The following NBPF20 variants were observed in gnomAD, a reference collection of about 807,000 sequenced individuals.
NBPF20 encodes the protein NBPF member 20, also known as NBPF family member NBPF20.
In NBPF20, 90 loss-of-function variants were observed where a neutral mutation model predicts 68.1. The ratio of observed to expected loss-of-function variants is 1.32; its 90% CI spans 1.11 to 1.58. NBPF20 has a LOEUF of 1.58. Among genes scored for constraint, NBPF20 ranks in the 40% most tolerant of loss-of-function variants. The pLI, the probability that NBPF20 is intolerant of heterozygous loss-of-function variation, is 0.00. For missense variants in NBPF20, 816 were observed against 601.2 expected, an observed-to-expected ratio of 1.36 and a Z score of -3.74; for synonymous variants, 290 against 228.1, an observed-to-expected ratio of 1.27 and a Z score of -2.45.
chr1:145,291,420 C>T, exon 138 of NBPF20: 12 of 1,608,046 alleles, frequency 7.5e-6, no homozygotes, highest in Non-Finnish European at 9.3e-6. Context: ...CCCACTGACC[C>T]ATCCTATGTC....
chr1:145,413,252 A>G, the NBPF20 span, among the ~76,000 whole-genome samples: 1 of 151,222 alleles, frequency 6.6e-6, no homozygotes, highest in East Asian at 1.9e-4. Flanking sequence ...TTGGGAAAAA[A>G]TGTCTGGCAT....
At chr1:145,394,625 G>T (rs1279857764) in intron 8 of NBPF20, among the ~76,000 whole-genome samples, 1 of 152,032 alleles carries the variant, frequency 6.6e-6, no homozygotes, top group Non-Finnish European at 1.5e-5. Context: ...AAGGAATTTT[G>T]TAGCTGGCAA....
rs782021477 is a variant in NBPF20 at position 145,291,802 on chromosome 1, A to G, written c.16698-33T>C. The G allele has an allele frequency of 3.7e-6, 6 of 1,612,008 alleles. No individual in the cohort carries two copies. In the South Asian group the frequency reaches 6.6e-5, roughly 18 times the overall value. On this transcript the variant is annotated intron_variant, in intron 137 of 137. Transcript: ENST00000369373. ...AGGAGACAAAACTAAAGAAGCAGCC[A>G]GGGAAAATCAGAAACCACAGAGCCC...
At chr1:145,341,109 A>T (rs1661608843) in intron 75 of NBPF20, among the ~76,000 whole-genome samples, 170 bp from the exon 81 acceptor site, 1 of 83,938 alleles carries the variant, frequency 1.2e-5, no homozygotes, top group Admixed American at 1.1e-4. Context: ...GGCCAGGTAG[A>T]AAACAATGAA....
the NBPF20 span, among the ~76,000 whole-genome samples, chr1:145,410,823 T>C: frequency 1.4e-5 from 2 of 140,456 alleles, no homozygotes; most frequent in African/African-American, 2.6e-5. Flanking sequence ...TACGTATATA[T>C]ATATATATAT....
chr1:145,402,534 A>C (rs1662571968), intron 3 of NBPF20, among the ~76,000 whole-genome samples, 153 bp from the exon 9 acceptor site: 1 of 151,970 alleles, frequency 6.6e-6, no homozygotes, highest in African/African-American at 2.4e-5. Context: ...CAAGAGAAAG[A>C]ATAGAAAATG....
intron 137 of NBPF20, 53 bp from the exon 143 acceptor site, chr1:145,291,822 G>C (rs1416634913): frequency 8.6e-5 from 138 of 1,611,552 alleles, no homozygotes; most frequent in Non-Finnish European, 1.0e-4. Flanking sequence ...AGAAACCACA[G>C]AGCCCCACTA....
chr1:145,419,073 A>AAGGG, the NBPF20 span, among the ~76,000 whole-genome samples: 3 of 134,360 alleles, frequency 2.2e-5, no homozygotes, highest in Non-Finnish European at 3.2e-5. Flanking sequence ...AGGAAGGAGG[A>AAGGG]AGGGAGGGAG....
chr1:145,403,330 C>T lies in NBPF20; in HGVS notation c.176-12G>A. 1 of 1,591,840 alleles carries T rather than the reference C, an allele frequency of 6.3e-7. No individual in the cohort carries two copies. Among genetic ancestry groups the T allele is most frequent in the Non-Finnish European group, 8.6e-7 (1 of 1,162,158 alleles). On this transcript the variant is annotated splice_polypyrimidine_tract_variant and intron_variant, in intron 2 of 137. Coordinates refer to ENST00000369373, the Ensembl canonical transcript of NBPF20. ...GCACTCTTCATATTCTGAGAAAAGA[C>T]AGACACGCCTGCCTCAGTGGAAGGC...
chr1:145,415,402 A>G, the NBPF20 span, among the ~76,000 whole-genome samples: 2 of 151,284 alleles, frequency 1.3e-5, no homozygotes, highest in African/African-American at 4.9e-5. Flanking sequence ...CTCTTTTACT[A>G]ATCCTCCTCA....
intron 7 of NBPF20, among the ~76,000 whole-genome samples, chr1:145,398,154 C>G (rs1662351733): frequency 6.6e-6 from 1 of 151,926 alleles, no homozygotes; most frequent in Non-Finnish European, 1.5e-5. Flanking sequence ...ACCCCACTGT[C>G]AATATTAGAC....
chr1:145,407,516 T>C (rs1174032828), upstream of NBPF20, among the ~76,000 whole-genome samples: 2 of 146,790 alleles, frequency 1.4e-5, no homozygotes, highest in East Asian at 2.0e-4. Context: ...TATACGTGTA[T>C]ATACATACGT....
rs1175462042 is a variant in NBPF20, at chr1:145,398,425, A to C, written c.827+624T>G. Among the ~76,000 whole-genome samples the C allele has an allele frequency of 3.9e-5, 6 of 151,988 alleles. No homozygotes were observed. The East Asian group carries it at 1.2e-3, about 29-fold the overall frequency. ...ATTAGAACTCAGGATTAAGAAACTC[A>C]CTCAAAACCGCACAACTACATGGAA... On this transcript the variant is annotated intron_variant, in intron 7 of 137. Coordinates refer to ENST00000369373, the Ensembl canonical transcript of NBPF20.
intron 29 of NBPF20, 88 bp downstream of exon 34, chr1:145,377,955 A>T: frequency 2.4e-6 from 1 of 425,392 alleles, no homozygotes; most frequent in Non-Finnish European, 4.1e-6. Context: ...CGTTGAAAAC[A>T]TGAAATTGAA....
chr1:145,407,658 G>A (rs1571382746), upstream of NBPF20: 1 of 151,190 alleles, frequency 6.6e-6, no homozygotes, highest in African/African-American at 2.4e-5. Context: ...TCGTGGCGAG[G>A]AGGACAGCAC....
rs587703688 is a variant in NBPF20, at chr1:145,292,415, C to G, written c.16663G>C (p.Glu5555Gln). 49 of 692,224 alleles carry G rather than the reference C, an allele frequency of 7.1e-5. 1 individual carries two copies. Among genetic ancestry groups the G allele is most frequent in the African/African-American group, 1.0e-4 (5 of 49,490 alleles). The allele number at this position is 692,224 out of a possible 1,614,324, so 42.9% of individuals were successfully genotyped here. The change falls in exon 137 of 138, where the codon GAA (glutamate) becomes CAA (glutamine). Residue 5555 changes from glutamate to glutamine, a missense_variant. Physicochemically the swap from Glu to Gln is conservative, Grantham distance 29. Transcript: ENST00000369373. ...GGTGGGTTTTGATCTTCTTCCCCTT[C>G]TTTTCTTCCCCTTCTTCTTTTCTTC...
At chr1:145,410,317 C>CT (rs782521148), upstream of NBPF20, among the ~76,000 whole-genome samples, 4,315 of 142,256 alleles carry the variant, frequency 0.03, 186 homozygotes, top group African/African-American at 0.092. Context: ...CATGTATCTT[C>CT]TTTTTTTTTT....
the NBPF20 span, among the ~76,000 whole-genome samples, chr1:145,424,056 A>G: frequency 6.8e-6 from 1 of 146,040 alleles, no homozygotes; most frequent in Non-Finnish European, 1.5e-5. Context: ...GCTCACTGCA[A>G]TCTCAACCTC....
intron 7 of NBPF20, among the ~76,000 whole-genome samples, chr1:145,397,984 A>C (rs1662341582): frequency 1.3e-5 from 2 of 152,346 alleles, no homozygotes; most frequent in African/African-American, 4.8e-5. Flanking sequence ...AAAAGAGACA[A>C]AGAAGGCCAC....
Sources: allele counts gnomAD v4.1 joint callset (sites outside exome capture counted in the v4.1 genomes callset), GRCh38; gene constraint gnomAD v4.1.1; transcripts MANE v1.5; gene names NCBI Gene and HGNC (gene_info 2026-07-23, HGNC 2026-07-21).